ADGRL2: variants seen among roughly 807,000 people sequenced by gnomAD.
ADGRL2 encodes adhesion G protein-coupled receptor L2.
Under a neutral mutation model 157.4 loss-of-function variants are expected in ADGRL2, and 44 were observed. The ratio of observed to expected loss-of-function variants is 0.28; its 90% CI spans 0.22 to 0.36. The LOEUF (loss-of-function observed/expected upper bound fraction) is 0.36. Ranked by LOEUF, ADGRL2 falls within the 10% of genes least tolerant of loss-of-function variation. The probability of loss-of-function intolerance (pLI) is 1.00; values close to 1 mark genes in which losing one functional copy is unlikely to be tolerated. For synonymous variants in ADGRL2, 585 were observed against 624.7 expected, an observed-to-expected ratio of 0.94 and a Z score of 0.95; for missense variants, 1,510 against 1,768.9, an observed-to-expected ratio of 0.85 and a Z score of 2.63.
intron 2 of ADGRL2, among the ~76,000 whole-genome samples, chr1:81,540,300 TG>T (rs111951920): frequency 5.1e-4 from 78 of 152,154 alleles, no homozygotes; most frequent in Middle Eastern, 3.4e-3. Flanking sequence ...TGGAATTTAA[TG>T]GAAAAAAAAT....
At chr1:81,760,778 T>C (rs770805817) in intron 1 of ADGRL2, among the ~76,000 whole-genome samples, 2 of 151,934 alleles carry the variant, frequency 1.3e-5, no homozygotes, top group Non-Finnish European at 2.9e-5. Context: ...ATTGATAATC[T>C]TTAGAAATAA....
intron 1 of ADGRL2, chr1:81,721,705 C>T: frequency 7.3e-7 from 1 of 1,370,084 alleles, no homozygotes; most frequent in Non-Finnish European, 1.0e-6. Flanking sequence ...GGACCCCCCG[C>T]AAAGTGAACG....
intron 1 of ADGRL2, among the ~76,000 whole-genome samples, chr1:81,745,133 C>A (rs78165011): frequency 0.07 from 10,639 of 152,214 alleles, 474 homozygotes; most frequent in Non-Finnish European, 0.097. Flanking sequence ...CTAGTGGCAT[C>A]CTTCCCTGGT....
intron 2 of ADGRL2, among the ~76,000 whole-genome samples, chr1:81,477,505 A>T (rs537538889): frequency 6.6e-6 from 1 of 152,238 alleles, no homozygotes; most frequent in African/African-American, 2.4e-5. Flanking sequence ...GTTTCCTGGC[A>T]AAGTGACGGC....
At chr1:81,923,953 G>A (rs2095046292) in intron 3 of ADGRL2, among the ~76,000 whole-genome samples, 1 of 152,148 alleles carries the variant, frequency 6.6e-6, no homozygotes, top group Non-Finnish European at 1.5e-5. Flanking sequence ...AGTGAGTTTA[G>A]CAGCAACTAA....
chr1:81,643,323 TG>T (rs1230660301), intron 3 of ADGRL2, among the ~76,000 whole-genome samples: 1 of 152,180 alleles, frequency 6.6e-6, no homozygotes, highest in East Asian at 1.9e-4. Context: ...TTTGTTTGTT[TG>T]TTTTTTGAGA....
chr1:81,613,514 G>A (rs2081584204), intron 3 of ADGRL2, among the ~76,000 whole-genome samples: 1 of 152,176 alleles, frequency 6.6e-6, no homozygotes, highest in African/African-American at 2.4e-5. Context: ...ATGCAATCAG[G>A]GAGCTGCAAA....
intron 2 of ADGRL2, among the ~76,000 whole-genome samples, chr1:81,561,441 GT>G (rs201566525): frequency 5.1e-5 from 7 of 136,216 alleles, no homozygotes; most frequent in Admixed American, 7.4e-5. Flanking sequence ...GTTTTGTTCT[GT>G]TTTTTTTTGT....
intron 3 of ADGRL2, among the ~76,000 whole-genome samples, chr1:81,603,749 A>G (rs1464458193): frequency 1.3e-5 from 2 of 152,026 alleles, no homozygotes; most frequent in Non-Finnish European, 2.9e-5. Context: ...TTTATGCCCA[A>G]AAAAAAGGAA....
intron 6 of ADGRL2, 97 bp from the exon 7 acceptor site, chr1:81,950,092 T>TTGTG (rs150847309): frequency 2.4e-5 from 22 of 931,750 alleles, no homozygotes; most frequent in Admixed American, 6.6e-5. Flanking sequence ...GGGTAGGGTT[T>TTGTG]TGTGTGTGTG....
chr1:81,891,959 AGTGT>A lies in ADGRL2; in HGVS notation c.74-15037_74-15034del, dbSNP rs3221626. Among the ~76,000 whole-genome samples the A allele has an allele frequency of 9.8e-3, 1,472 of 149,456 alleles. 19 individuals carry two copies. The highest frequency in any genetic ancestry group is 0.032 in the African/African-American group (1,328 of 40,966). On this transcript the variant is annotated intron_variant, in intron 2 of 23. Transcript: ENST00000686636. ...CAGAACATAATAAGTGTGGCTAATA[AGTGT>A]GTGTGTGTGTGTGTGTGTGTATGTG...
At chr1:81,707,959 A>C (rs550765099) in intron 1 of ADGRL2, among the ~76,000 whole-genome samples, 2 of 152,298 alleles carry the variant, frequency 1.3e-5, no homozygotes, top group South Asian at 2.1e-4. Context: ...TACCACATTA[A>C]CAAAGCATTC....
rs556699551 is a variant in ADGRL2, at chr1:81,903,846, C to CACACACAT, written c.74-3170_74-3169insCACACATA. 5.7e-3 allele frequency among the ~76,000 whole-genome samples: 833 copies of CACACACAT among 145,696 alleles called. 5 individuals are homozygous for CACACACAT. The highest frequency in any genetic ancestry group is 0.015 in the South Asian group (68 of 4,624). On this transcript the variant is annotated intron_variant, in intron 2 of 23. Transcript: ENST00000686636. The stretch of plus-strand genomic sequence containing the variant: ...ACACACACACACACACACACACACA[C>CACACACAT]ATATTTGGTTGGAAATACAGACTTT...
At chr1:81,632,286 A>T (rs2082024494) in intron 3 of ADGRL2, among the ~76,000 whole-genome samples, 1 of 152,210 alleles carries the variant, frequency 6.6e-6, no homozygotes, top group Non-Finnish European at 1.5e-5. Flanking sequence ...ATAAAGAGCG[A>T]CAGAGTCAGA....
intron 2 of ADGRL2, among the ~76,000 whole-genome samples, chr1:81,529,547 T>C (rs978672257): frequency 6.6e-6 from 1 of 152,236 alleles, no homozygotes; most frequent in Middle Eastern, 3.2e-3. Flanking sequence ...CCAGGAGCTA[T>C]GGGAAATATA....
intron 2 of ADGRL2, among the ~76,000 whole-genome samples, chr1:81,522,895 A>G (rs375071595): frequency 1.3e-5 from 2 of 152,310 alleles, no homozygotes; most frequent in African/African-American, 4.8e-5. Flanking sequence ...TAATTTATTT[A>G]CATTCAAAGG....
At chr1:81,366,345 AC>A (rs2076066709) in intron 1 of ADGRL2, among the ~76,000 whole-genome samples, 1 of 152,166 alleles carries the variant, frequency 6.6e-6, no homozygotes, top group Non-Finnish European at 1.5e-5. Context: ...TTTTAAAAAG[AC>A]TTTTTTATTG....
intron 1 of ADGRL2, among the ~76,000 whole-genome samples, chr1:81,813,011 C>T (rs1030155059): frequency 6.6e-6 from 1 of 151,642 alleles, no homozygotes; most frequent in Non-Finnish European, 1.5e-5. Context: ...GAGAGTTTTT[C>T]ATTCGGGTGT....
intron 1 of ADGRL2, among the ~76,000 whole-genome samples, chr1:81,717,257 A>G (rs1357821697): frequency 6.6e-6 from 1 of 152,174 alleles, no homozygotes; most frequent in Non-Finnish European, 1.5e-5. Flanking sequence ...CCAGTTATAT[A>G]TGATTCTCCG....
Sources: gnomAD v4.1 joint callset for allele counts (sites outside exome capture counted in the v4.1 genomes callset) on GRCh38, gnomAD v4.1.1 for gene constraint, MANE v1.5 for transcripts, NCBI Gene and HGNC (gene_info 2026-07-23, HGNC 2026-07-21) for gene names.